KCMF1: variants seen among roughly 807,000 people sequenced by gnomAD.
The protein encoded by KCMF1 is E3 ubiquitin-protein ligase KCMF1.
Under a neutral mutation model 41.1 loss-of-function variants are expected in KCMF1, and 3 were observed. The observed-to-expected ratio is 0.07, with a 90% CI of 0.03 to 0.19. The LOEUF is 0.19. Ranked by LOEUF, KCMF1 falls within the 10% of genes least tolerant of loss-of-function variation. The probability of loss-of-function intolerance (pLI) is 1.00; values close to 1 mark genes in which losing one functional copy is unlikely to be tolerated. For missense variants in KCMF1, 286 were observed against 488.9 expected (o/e 0.58, Z 3.91); for synonymous variants, 142 against 164.5 (o/e 0.86, Z 1.04).
chr2:85,043,778 G>A (rs1675599027), intron 4 of KCMF1, 113 bp downstream of exon 4: 1 of 722,290 alleles, frequency 1.4e-6, no homozygotes, highest in Non-Finnish European at 2.5e-6. Context: ...TCAAACTCCT[G>A]AGCTCAAGTG....
rs1053724493 is a variant in KCMF1 at position 85,015,137 on chromosome 2, G to C, written c.17-12752G>C. Among the ~76,000 whole-genome samples, 14 of 128,876 alleles carry C rather than the reference G, an allele frequency of 1.1e-4. 1 individual carries two copies. The highest frequency in any genetic ancestry group is 3.5e-4 in the Admixed American group (4 of 11,534). The allele number at this position is 128,876 out of a possible 152,430, so 84.5% of individuals were successfully genotyped here. ...CCACTGCACTCCAGCCTGGGCGACA[G>C]AGTGAGACTCCATCTCAAAAAAAAA... On this transcript the variant is annotated intron_variant, in intron 1 of 6. Transcript: ENST00000409785.
chr2:85,027,955 A>G lies in KCMF1; in HGVS notation c.83A>G (p.Tyr28Cys). The change falls in exon 2 of 7, where the codon TAC becomes TGC. Residue 28 changes from tyrosine (Y) to cysteine (C), a missense_variant. By Grantham distance (194) the Tyr-to-Cys change is radical. Transcript: ENST00000409785. ...RGRRYKCLIC[Y>C]DYDLCASCYE... ...CGCAGATATAAGTGTTTAATTTGCT[A>G]CGATTACGATCTTTGTGCATCTTGT... The G allele has an allele frequency of 6.2e-7, 1 of 1,612,944 alleles. No individual in the cohort carries two copies. Among genetic ancestry groups the G allele is most frequent in the Non-Finnish European group, 8.5e-7 (1 of 1,179,072 alleles).
chr2:85,008,177 C>T (rs978453593), intron 1 of KCMF1, among the ~76,000 whole-genome samples: 1 of 138,550 alleles, frequency 7.2e-6, no homozygotes, highest in Non-Finnish European at 1.6e-5. Context: ...AACATTTTTT[C>T]GATGGATCAA....
chr2:85,006,218 C>G (rs1674466609), intron 1 of KCMF1, among the ~76,000 whole-genome samples: 1 of 151,464 alleles, frequency 6.6e-6, no homozygotes, highest in African/African-American at 2.4e-5. Context: ...TTACAGTGTG[C>G]TCCACCCTCC....
intron 3 of KCMF1, among the ~76,000 whole-genome samples, chr2:85,040,609 T>C (rs1675504586): frequency 6.6e-6 from 1 of 152,204 alleles, no homozygotes; most frequent in African/African-American, 2.4e-5. Flanking sequence ...AAATATAAAA[T>C]GTAAAACCTA....
intron 6 of KCMF1, among the ~76,000 whole-genome samples, chr2:85,052,534 C>G (rs191329295): frequency 6.6e-6 from 1 of 152,312 alleles, no homozygotes; most frequent in East Asian, 1.9e-4. Context: ...GCCCAGATCT[C>G]ATAAGTACAT....
chr2:84,993,274 A>G (rs1049203863), intron 1 of KCMF1, among the ~76,000 whole-genome samples: 5 of 152,128 alleles, frequency 3.3e-5, no homozygotes, highest in African/African-American at 1.2e-4. Context: ...AGGGAGTATC[A>G]GACAAGACTG....
chr2:85,035,168 G>A lies in KCMF1; in HGVS notation c.324+13G>A, dbSNP rs751140903. On this transcript the variant is annotated intron_variant, in intron 3 of 6. Transcript: ENST00000409785. The stretch of plus-strand genomic sequence containing the variant: ...ATCAACAGAAGTGGTAAGTGAAGCA[G>A]CAACCTTATGACTAAAATGATGTTG... 8.1e-6 allele frequency: 13 copies of A among 1,606,070 alleles called. No homozygotes were observed. The highest frequency in any genetic ancestry group is 1.1e-5 in the Non-Finnish European group (13 of 1,176,090).
chr2:85,022,886 CTTT>C (rs34732141), intron 1 of KCMF1, among the ~76,000 whole-genome samples: 18 of 111,732 alleles, frequency 1.6e-4, no homozygotes, highest in African/African-American at 5.8e-4. Context: ...TGTATGTATT[CTTT>C]TTTTTTTTTT....
At chr2:85,030,949 C>T (rs1346985177) in intron 2 of KCMF1, among the ~76,000 whole-genome samples, 1 of 152,220 alleles carries the variant, frequency 6.6e-6, no homozygotes, top group Non-Finnish European at 1.5e-5. Context: ...CTGCCTGCCT[C>T]AGCCTCCCAA....
intron 1 of KCMF1, among the ~76,000 whole-genome samples, chr2:85,011,861 C>T (rs1018865624): frequency 1.3e-5 from 2 of 152,182 alleles, no homozygotes; most frequent in African/African-American, 4.8e-5. Context: ...TGTTTAGTAA[C>T]ATTCTTAGCC....
intron 1 of KCMF1, among the ~76,000 whole-genome samples, chr2:85,001,568 T>C (rs993127447): frequency 1.3e-5 from 2 of 152,234 alleles, no homozygotes; most frequent in Non-Finnish European, 2.9e-5. Flanking sequence ...TATTGCATTT[T>C]CTGTGCATTG....
intron 6 of KCMF1, among the ~76,000 whole-genome samples, chr2:85,050,524 C>G (rs1341786776): frequency 6.6e-6 from 1 of 152,116 alleles, no homozygotes; most frequent in Non-Finnish European, 1.5e-5. Flanking sequence ...CTGTTAGCAA[C>G]TGCATGTATT....
chr2:84,978,034 G>A (rs1299084565), intron 1 of KCMF1, among the ~76,000 whole-genome samples: 2 of 146,572 alleles, frequency 1.4e-5, no homozygotes, highest in South Asian at 2.2e-4. Flanking sequence ...CCTCGCTCTT[G>A]TTGCCCAGGC....
Position 85,049,657 on chromosome 2 carries a change from T to C in KCMF1, c.884+9T>C. On this transcript the variant is annotated intron_variant, in intron 6 of 6. Transcript: ENST00000409785. ...CAGTTTCTTTTAACAAGGTAGCTCA[T>C]TTGTTAATAGAATTTTGTTTGGGAA... The C allele has an allele frequency of 6.2e-7, 1 of 1,600,202 alleles. No individual in the cohort carries two copies. The highest frequency in any genetic ancestry group is 8.5e-7 in the Non-Finnish European group (1 of 1,169,638).
intron 1 of KCMF1, among the ~76,000 whole-genome samples, chr2:85,008,347 A>ATT (rs372126026): frequency 0.043 from 312 of 7,248 alleles, 23 homozygotes; most frequent in African/African-American, 0.049. Context: ...TATGATATAT[A>ATT]ATATATAATA....
chr2:85,038,928 C>T (rs1675463194), intron 3 of KCMF1, among the ~76,000 whole-genome samples: 1 of 152,190 alleles, frequency 6.6e-6, no homozygotes, highest in South Asian at 2.1e-4. Flanking sequence ...CCGTGTGGCC[C>T]AGGCTGGTCT....
intron 1 of KCMF1, among the ~76,000 whole-genome samples, chr2:85,026,395 C>T (rs1482479908): frequency 1.3e-5 from 2 of 150,838 alleles, no homozygotes; most frequent in Non-Finnish European, 3.0e-5. Flanking sequence ...TCTTAGCCTC[C>T]CAAAGTGTTG....
At position 85,057,507 on chromosome 2, in the gene KCMF1, A is replaced by T. The variant is rs1433404557; in HGVS notation, c.*4098A>T. The T allele has an allele frequency of 2.0e-5, 3 of 152,204 alleles. No individual in the cohort carries two copies. Among genetic ancestry groups the T allele is most frequent in the African/African-American group, 7.2e-5 (3 of 41,436 alleles). The allele number at this position is 152,204 out of a possible 1,614,324, so 9.4% of individuals were successfully genotyped here. On this transcript the variant is annotated 3_prime_UTR_variant, in exon 7 of 7. Coordinates refer to ENST00000409785, the MANE Select transcript of KCMF1 (RefSeq NM_020122.5). The stretch of plus-strand genomic sequence containing the variant: ...CTTTCAGGTTGTGACGATGTCATGA[A>T]ATTCTGTGCTATTAAACATGGCTAT...
Sources: gnomAD v4.1 joint callset for allele counts (sites outside exome capture counted in the v4.1 genomes callset) on GRCh38, gnomAD v4.1.1 for gene constraint, MANE v1.5 for transcripts, NCBI Gene and HGNC (gene_info 2026-07-23, HGNC 2026-07-21) for gene names.